Variants in PREX2 observed in about 807,000 individuals in gnomAD.
The protein encoded by PREX2 is phosphatidylinositol 3,4,5-trisphosphate-dependent Rac exchanger 2 protein.
PREX2 carries 107 observed loss-of-function variants against 203.2 expected under a neutral mutation model. That is an observed-to-expected ratio of 0.53 (90% confidence interval 0.45 to 0.62). The LOEUF (loss-of-function observed/expected upper bound fraction) is 0.62. PREX2 is among the 20% of genes least tolerant of loss of function. The probability of loss-of-function intolerance (pLI) is 0.00; values close to 1 mark genes in which losing one functional copy is unlikely to be tolerated. For missense variants in PREX2, 1,777 were observed against 1,955.9 expected, an observed-to-expected ratio of 0.91 and a Z score of 1.72; for synonymous variants, 672 against 663.6, an observed-to-expected ratio of 1.01 and a Z score of -0.19.
At chr8:67,998,763 C>A (rs1806845562) in intron 1 of PREX2, among the ~76,000 whole-genome samples, 1 of 152,144 alleles carries the variant, frequency 6.6e-6, no homozygotes, top group Non-Finnish European at 1.5e-5. Context: ...GATTGAGACC[C>A]TGACTCTAAA....
rs80313946 is a variant in PREX2, at chr8:68,153,333, C to A, written c.4232-3989C>A. Among the ~76,000 whole-genome samples, 289 of 152,258 alleles carry A rather than the reference C, an allele frequency of 1.9e-3. 9 individuals carry two copies. In the East Asian group the frequency reaches 0.045, roughly 24 times the overall value. ...CTGATTAATCTCTTTCTTGGGAAAGCCTTGAAAGGTATTTTGAGTAAGTGG... is the reference window on the plus strand; with the variant it reads ...CTGATTAATCTCTTTCTTGGGAAAGACTTGAAAGGTATTTTGAGTAAGTGG... On this transcript the variant is annotated intron_variant, in intron 34 of 39. Coordinates refer to ENST00000288368, the MANE Select transcript of PREX2 (RefSeq NM_024870.4).
At chr8:68,016,190 A>G (rs995108522) in intron 1 of PREX2, among the ~76,000 whole-genome samples, 1 of 152,370 alleles carries the variant, frequency 6.6e-6, no homozygotes, top group South Asian at 2.1e-4. Flanking sequence ...CCTATTACCT[A>G]AAAGGAACTA....
intron 37 of PREX2, among the ~76,000 whole-genome samples, chr8:68,197,670 T>C (rs565991512): frequency 6.6e-6 from 1 of 150,454 alleles, no homozygotes; most frequent in South Asian, 2.1e-4. Flanking sequence ...AGTTTAATAA[T>C]CTGCCTTATA....
At chr8:67,972,355 G>A (rs1805949733) in intron 1 of PREX2, among the ~76,000 whole-genome samples, 1 of 152,224 alleles carries the variant, frequency 6.6e-6, no homozygotes, top group African/African-American at 2.4e-5. Context: ...TGTGTTGAAA[G>A]TATGTGAAAC....
intron 23 of PREX2, chr8:68,103,517 A>C: frequency 1.9e-6 from 1 of 518,300 alleles, no homozygotes; most frequent in South Asian, 1.4e-5. Flanking sequence ...TACATTAAAA[A>C]GAAATAGCCC....
At chr8:68,128,871 A>G (rs868323625) in intron 31 of PREX2, among the ~76,000 whole-genome samples, 1 of 152,228 alleles carries the variant, frequency 6.6e-6, no homozygotes, top group Non-Finnish European at 1.5e-5. Flanking sequence ...GGAAATTTTA[A>G]ATTATGAATG....
intron 1 of PREX2, among the ~76,000 whole-genome samples, chr8:67,986,236 G>A (rs1011721534): frequency 7.9e-5 from 12 of 152,156 alleles, no homozygotes; most frequent in African/African-American, 9.7e-5. Flanking sequence ...AATCTCCACC[G>A]TAATCCCAGA....
At chr8:68,201,900 A>AT (rs869153263) in intron 37 of PREX2, among the ~76,000 whole-genome samples, 2,279 of 98,180 alleles carry the variant, frequency 0.023, 39 homozygotes, top group Non-Finnish European at 0.027. Flanking sequence ...GGTAACACCT[A>AT]TTTTTTTTTT....
At chr8:68,012,119 A>G (rs540437758) in intron 1 of PREX2, among the ~76,000 whole-genome samples, 1 of 152,280 alleles carries the variant, frequency 6.6e-6, no homozygotes, top group African/African-American at 2.4e-5. Flanking sequence ...TAACATACCA[A>G]TCGTATGCTG....
At chr8:68,135,361 A>C (rs190523838) in intron 32 of PREX2, among the ~76,000 whole-genome samples, 9 of 152,302 alleles carry the variant, frequency 5.9e-5, no homozygotes, top group African/African-American at 2.2e-4. Context: ...CAGAATATAT[A>C]AAGAACCCTT....
At chr8:67,982,436 A>G (rs967250266) in intron 1 of PREX2, among the ~76,000 whole-genome samples, 2 of 152,108 alleles carry the variant, frequency 1.3e-5, no homozygotes, top group South Asian at 2.1e-4. Context: ...AAAAAAATTA[A>G]AAGTGTGGAA....
At chr8:68,034,929 GTTAT>G (rs1176057707) in intron 6 of PREX2, among the ~76,000 whole-genome samples, 1 of 152,054 alleles carries the variant, frequency 6.6e-6, no homozygotes, top group Non-Finnish European at 1.5e-5. Flanking sequence ...TATAGTCTTT[GTTAT>G]TTGAGGATAA....
Position 67,952,481 on chromosome 8 carries a change from C to T in PREX2, c.87C>T (p.Ser29=). ...KQLRLRVCVL[S]ELQKTERDYV... ...TTCGCCTGCGCGTGTGCGTGCTCAG[C>T]GAGCTCCAGAAGACCGAGCGGGACT... The change falls in exon 1 of 40, where the codon AGC becomes AGT. Residue 29 remains serine (S), a synonymous_variant. Coordinates refer to ENST00000288368, the MANE Select transcript of PREX2 (RefSeq NM_024870.4). The T allele has an allele frequency of 6.2e-7, 1 of 1,606,820 alleles. No homozygotes were observed. Among genetic ancestry groups the T allele is most frequent in the Non-Finnish European group, 8.5e-7 (1 of 1,176,920 alleles).
chr8:68,017,858 A>C lies in PREX2; in HGVS notation c.154A>C (p.Arg52=). The C allele has an allele frequency of 6.2e-7, 1 of 1,612,540 alleles. No individual in the cohort carries two copies. The highest frequency in any genetic ancestry group is 8.5e-7 in the Non-Finnish European group (1 of 1,178,984). ...LEFLVSAFLH[R]MNQCAASKVD... is the part of the protein sequence containing the mutation. ...TTGTTTCATGCAGGCATTCTTACACAGAATGAACCAGTGTGCAGCATCAAA... is the reference window on the plus strand; with the variant it reads ...TTGTTTCATGCAGGCATTCTTACACCGAATGAACCAGTGTGCAGCATCAAA... Residue 52 remains arginine (R), a synonymous_variant, in exon 2 of 40, where the codon AGA becomes CGA. Transcript: ENST00000288368.
chr8:68,059,989 C>G (rs1194760371), intron 10 of PREX2, among the ~76,000 whole-genome samples: 1 of 152,244 alleles, frequency 6.6e-6, no homozygotes, highest in South Asian at 2.1e-4. Context: ...AAGGGTTCCA[C>G]TCCCTGAATC....
In PREX2 at chr8:68,139,653, A is replaced by G. The variant is rs903272230; in HGVS notation, c.4087+1136A>G. 2.6e-5 allele frequency among the ~76,000 whole-genome samples: 4 copies of G among 152,202 alleles called. No homozygotes were observed. The South Asian group carries it at 8.3e-4, about 31-fold the overall frequency. ...AGCTACCTCTCCCAGGTGGGAGAGG[A>G]TGGTGACTTGGCCTGGAGGGTAGCT... On this transcript the variant is annotated intron_variant, in intron 33 of 39. Coordinates refer to ENST00000288368, the MANE Select transcript of PREX2 (RefSeq NM_024870.4).
intron 17 of PREX2, among the ~76,000 whole-genome samples, chr8:68,081,763 C>T (rs1295431675): frequency 2.0e-5 from 3 of 152,114 alleles, no homozygotes; most frequent in East Asian, 1.9e-4. Context: ...GGCATGATCT[C>T]GGCTCACTGC....
intron 6 of PREX2, among the ~76,000 whole-genome samples, chr8:68,037,940 A>G (rs1808081898): frequency 6.6e-6 from 1 of 152,150 alleles, no homozygotes. Context: ...GGAGACACAG[A>G]ATCTCTTAAC....
At chr8:68,004,493 A>G (rs1807034954) in intron 1 of PREX2, among the ~76,000 whole-genome samples, 1 of 152,214 alleles carries the variant, frequency 6.6e-6, no homozygotes, top group Non-Finnish European at 1.5e-5. Context: ...TGGGCATCAC[A>G]CCTGTGTGCA....
Sources: gnomAD v4.1 joint callset for allele counts (sites outside exome capture counted in the v4.1 genomes callset) on GRCh38, gnomAD v4.1.1 for gene constraint, MANE v1.5 for transcripts, NCBI Gene and HGNC (gene_info 2026-07-23, HGNC 2026-07-21) for gene names.